Variants in ENOX1 observed in about 807,000 individuals in gnomAD.
ENOX1 encodes the protein candidate growth-related and time keeping constitutive hydroquinone (NADH) oxidase.
In ENOX1, 42 loss-of-function variants were observed where a neutral mutation model predicts 82.5. The ratio of observed to expected loss-of-function variants is 0.51; its 90% CI spans 0.40 to 0.66. The LOEUF (loss-of-function observed/expected upper bound fraction) is 0.66. ENOX1 is among the 30% of genes least tolerant of loss of function. ENOX1 has a pLI of 0.00. For missense variants in ENOX1, 608 were observed against 811.6 expected, an observed-to-expected ratio of 0.75 and a Z score of 3.05; for synonymous variants, 271 against 282.2, an observed-to-expected ratio of 0.96 and a Z score of 0.40.
chr13:43,535,016 T>C (rs927598926), intron 2 of ENOX1, among the ~76,000 whole-genome samples: 2 of 152,192 alleles, frequency 1.3e-5, no homozygotes, highest in African/African-American at 2.4e-5. Flanking sequence ...TTATCAGAGA[T>C]CTGAGCCTGG....
chr13:43,417,973 C>A (rs548932387), intron 3 of ENOX1, among the ~76,000 whole-genome samples: 2 of 151,568 alleles, frequency 1.3e-5, no homozygotes. Context: ...CTTTGGGAGG[C>A]CGAGGCGGGT....
Position 43,269,563 on chromosome 13 carries a change from G to C in ENOX1, c.1461C>G (p.Ile487Met), listed in dbSNP as rs2153481395. ...ACTTTTTGTTGTTTAACTCCTCCTGGATGGTTAGCAATTGCTGTGAAATTA... is the reference window on the plus strand; with the variant it reads ...ACTTTTTGTTGTTTAACTCCTCCTGCATGGTTAGCAATTGCTGTGAAATTA... ...MQGMQQQLLTIQEELNNKKSE... is the reference protein window; with the variant it reads ...MQGMQQQLLTMQEELNNKKSE... Residue 487 changes from isoleucine (I) to methionine (M), a missense_variant, in exon 13 of 17, where the codon ATC becomes ATG. By Grantham distance (10) the Ile-to-Met change is conservative (BLOSUM62 1). Coordinates refer to ENST00000690772, the MANE Select transcript of ENOX1 (RefSeq NM_001347969.2). 3 of 1,613,624 alleles carry C rather than the reference G, an allele frequency of 1.9e-6. No individual in the cohort carries two copies. The highest frequency in any genetic ancestry group is 4.5e-5 in the East Asian group (2 of 44,860).
chr13:43,627,284 A>T (rs1444774608), intron 2 of ENOX1, among the ~76,000 whole-genome samples: 2 of 151,956 alleles, frequency 1.3e-5, no homozygotes, highest in Non-Finnish European at 2.9e-5. Context: ...AATTATTGAT[A>T]TGTTAGGGCT....
chr13:43,459,996 AAAAC>A (rs1278294808), intron 3 of ENOX1, among the ~76,000 whole-genome samples: 1 of 152,228 alleles, frequency 6.6e-6, no homozygotes, highest in Non-Finnish European at 1.5e-5. Flanking sequence ...TCTGTCTCAA[AAAAC>A]AAACAACGAC....
intron 3 of ENOX1, among the ~76,000 whole-genome samples, chr13:43,415,392 C>CGGAG (rs967378089): frequency 6.6e-6 from 1 of 151,892 alleles, no homozygotes; most frequent in African/African-American, 2.4e-5. Context: ...GAGGTCCCTG[C>CGGAG]GGCCTTCCGC....
intron 1 of ENOX1, among the ~76,000 whole-genome samples, chr13:43,743,468 T>G (rs530004398): frequency 6.0e-4 from 92 of 152,314 alleles, no homozygotes; most frequent in Non-Finnish European, 1.1e-3. Flanking sequence ...GTAGATTTTC[T>G]AATAGGTCCA....
At chr13:43,532,899 T>C (rs1180375178) in intron 2 of ENOX1, among the ~76,000 whole-genome samples, 3 of 150,746 alleles carry the variant, frequency 2.0e-5, no homozygotes, top group East Asian at 3.9e-4. Context: ...TAAATATATA[T>C]ATTAAAATTT....
chr13:43,468,607 T>G (rs932060509), intron 3 of ENOX1, among the ~76,000 whole-genome samples: 1 of 146,642 alleles, frequency 6.8e-6, no homozygotes, highest in Non-Finnish European at 1.5e-5. Flanking sequence ...CTGGGCAATA[T>G]AGTGAGACCC....
At chr13:43,607,465 A>G (rs898708882) in intron 2 of ENOX1, among the ~76,000 whole-genome samples, 2 of 152,178 alleles carry the variant, frequency 1.3e-5, no homozygotes, top group Admixed American at 1.3e-4. Context: ...AATATTACCA[A>G]TGGCAGTAAG....
intron 1 of ENOX1, among the ~76,000 whole-genome samples, chr13:43,733,197 C>A (rs2153822866): frequency 6.6e-6 from 1 of 152,220 alleles, no homozygotes; most frequent in South Asian, 2.1e-4. Context: ...TTCATAAATT[C>A]TAAATAATTT....
chr13:43,351,541 G>C (rs7995381), intron 8 of ENOX1, among the ~76,000 whole-genome samples: 43,679 of 141,886 alleles, frequency 0.31, 6,991 homozygotes, highest in East Asian at 0.4. Context: ...TCGTCATCTA[G>C]CCTTAGGTAT....
chr13:43,623,388 G>T (rs951525183), intron 2 of ENOX1, among the ~76,000 whole-genome samples: 1 of 152,134 alleles, frequency 6.6e-6, no homozygotes, highest in Non-Finnish European at 1.5e-5. Flanking sequence ...GGCAGGAATG[G>T]CCTGCTAGGG....
rs2079972965 is a variant in ENOX1, at chr13:43,567,513, T to A, written c.-218-83361A>T. On this transcript the variant is annotated intron_variant, in intron 2 of 16. Coordinates refer to ENST00000690772, the MANE Select transcript of ENOX1 (RefSeq NM_001347969.2). ...CAAGAGGAACTTTGTTAAAAAAAGA[T>A]AAACTGGCTGAAATGATTAACTGTA... 2.0e-5 allele frequency among the ~76,000 whole-genome samples: 3 copies of A among 152,240 alleles called. No individual in the cohort carries two copies. The South Asian group carries it at 6.2e-4, about 32-fold the overall frequency.
intron 2 of ENOX1, among the ~76,000 whole-genome samples, chr13:43,591,831 T>A (rs2153725700): frequency 6.6e-6 from 1 of 152,280 alleles, no homozygotes; most frequent in South Asian, 2.1e-4. Flanking sequence ...GAGTATGTGA[T>A]AATCCTGGTG....
chr13:43,766,961 TA>T (rs11327997), intron 1 of ENOX1, among the ~76,000 whole-genome samples: 131,668 of 149,298 alleles, frequency 0.88, 58,728 homozygotes, highest in Non-Finnish European at 0.97. Flanking sequence ...ATGTCTCTCT[TA>T]AAAAAAAAAA....
chr13:43,746,656 C>A, intron 1 of ENOX1, among the ~76,000 whole-genome samples: 1 of 150,648 alleles, frequency 6.6e-6, no homozygotes, highest in Non-Finnish European at 1.5e-5. Context: ...GAAAAAGTAA[C>A]AGGGAATTTT....
rs553504525 is a variant in ENOX1 at position 43,541,173 on chromosome 13, G to GTTTTTTTTTTTTTTTTTTT, written c.-218-57040_-218-57022dup. Among the ~76,000 whole-genome samples the GTTTTTTTTTTTTTTTTTTT allele has an allele frequency of 7.4e-4, 48 of 64,574 alleles. 10 individuals are homozygous for GTTTTTTTTTTTTTTTTTTT. The highest frequency in any genetic ancestry group is 1.2e-3 in the Non-Finnish European group (37 of 31,172). 42.4% of individuals were successfully genotyped at this position (64,574 alleles called of 152,430 possible). A position where few individuals can be genotyped will look rare whatever the true frequency, so the allele number is the denominator to read the frequency against. Reference sequence around the variant, plus strand: ...CTCCAACCTTACACTTCTTCCCTCTGTTTTTTTTTTTTTTTTTTTTTTTTT... The same window carrying GTTTTTTTTTTTTTTTTTTT: ...CTCCAACCTTACACTTCTTCCCTCTGTTTTTTTTTTTTTTTTTTTTTTTTTTTTTTTTTTTTTTTTTTTT... On this transcript the variant is annotated intron_variant, in intron 2 of 16. Transcript: ENST00000690772.
intron 1 of ENOX1, among the ~76,000 whole-genome samples, chr13:43,708,750 C>T (rs1403657201): frequency 1.3e-5 from 2 of 151,978 alleles, no homozygotes; most frequent in Non-Finnish European, 2.9e-5. Context: ...TAACCCAGGA[C>T]GATTCATAGA....
chr13:43,456,129 A>C (rs1425600404), intron 3 of ENOX1, among the ~76,000 whole-genome samples: 1 of 151,974 alleles, frequency 6.6e-6, no homozygotes, highest in Admixed American at 6.6e-5. Context: ...TTTTTATTTT[A>C]TAGATATAAC....
Sources: allele counts gnomAD v4.1 joint callset (sites outside exome capture counted in the v4.1 genomes callset), GRCh38; gene constraint gnomAD v4.1.1; transcripts MANE v1.5; gene names NCBI Gene and HGNC (gene_info 2026-07-23, HGNC 2026-07-21).